RARB: variants seen among roughly 807,000 people sequenced by gnomAD.
RARB encodes the protein HBV-activated protein.
In RARB, 17 loss-of-function variants were observed where a neutral mutation model predicts 51.9. That is an observed-to-expected ratio of 0.33 (90% confidence interval 0.22 to 0.49). RARB has a LOEUF of 0.49. Ranked by LOEUF, RARB falls within the 20% of genes least tolerant of loss-of-function variation. The probability of loss-of-function intolerance (pLI) is 0.99; values close to 1 mark genes in which losing one functional copy is unlikely to be tolerated. For missense variants in RARB, 369 were observed against 550.8 expected, an observed-to-expected ratio of 0.67 and a Z score of 3.30; for synonymous variants, 215 against 195.4, an observed-to-expected ratio of 1.10 and a Z score of -0.84.
chr3:25,312,653 G>A (rs988543562), intron 5 of RARB, among the ~76,000 whole-genome samples: 5 of 152,060 alleles, frequency 3.3e-5, no homozygotes, highest in African/African-American at 1.2e-4. Flanking sequence ...TACAATTATG[G>A]CCCAAACAAT....
At chr3:25,284,033 C>T (rs1268901490) in intron 5 of RARB, among the ~76,000 whole-genome samples, 7 of 152,222 alleles carry the variant, frequency 4.6e-5, no homozygotes, top group Non-Finnish European at 1.0e-4. Context: ...TTTTCTCCTG[C>T]TGGCAATCTC....
upstream of RARB, among the ~76,000 whole-genome samples, chr3:25,425,863 C>G (rs571160495): frequency 1.3e-5 from 2 of 152,206 alleles, no homozygotes; most frequent in Non-Finnish European, 2.9e-5. Context: ...CATCTCTACT[C>G]TTTGGAGAGA....
chr3:25,468,907 A>G (rs568706921), intron 2 of RARB, among the ~76,000 whole-genome samples: 1 of 152,124 alleles, frequency 6.6e-6, no homozygotes, highest in Non-Finnish European at 1.5e-5. Context: ...GGGGGCCACA[A>G]TCCAGCCTGT....
chr3:25,377,960 T>G (rs1706513211), intron 5 of RARB, among the ~76,000 whole-genome samples: 1 of 152,172 alleles, frequency 6.6e-6, no homozygotes, highest in Admixed American at 6.5e-5. Context: ...TAGTCAAAAT[T>G]TTTTAAATTC....
intron 3 of RARB, among the ~76,000 whole-genome samples, chr3:25,068,624 T>C (rs1053966867): frequency 6.6e-6 from 1 of 152,156 alleles, no homozygotes; most frequent in African/African-American, 2.4e-5. Flanking sequence ...TCCATGATGA[T>C]ATTTTAATCC....
chr3:25,389,993 G>C (rs1449072333), intron 5 of RARB, among the ~76,000 whole-genome samples: 1 of 152,112 alleles, frequency 6.6e-6, no homozygotes, highest in Non-Finnish European at 1.5e-5. Flanking sequence ...TGGCTCAAGA[G>C]GTAAAACAAG....
chr3:24,947,265 A>T lies in RARB; in HGVS notation c.-380+88513A>T, dbSNP rs370936797. Among the ~76,000 whole-genome samples the T allele has an allele frequency of 3.3e-5, 5 of 152,236 alleles. No individual in the cohort carries two copies. In the East Asian group the frequency reaches 5.8e-4, roughly 18 times the overall value. Reference sequence around the variant, plus strand: ...ATATGAATGTACTGGGAAAAGTCATACGTGAACCTATATAATATCTTCCTT... The same window carrying T: ...ATATGAATGTACTGGGAAAAGTCATTCGTGAACCTATATAATATCTTCCTT... On this transcript the variant is annotated intron_variant, in intron 2 of 11. Coordinates refer to the RARB transcript ENST00000383772.
intron 5 of RARB, among the ~76,000 whole-genome samples, chr3:25,291,461 T>A (rs371853874): frequency 5.1e-4 from 77 of 150,440 alleles, no homozygotes; most frequent in African/African-American, 1.9e-3. Flanking sequence ...TAAAAATGCT[T>A]GAGCCAGATG....
chr3:25,026,267 C>G (rs1399238827), intron 2 of RARB, among the ~76,000 whole-genome samples: 1 of 152,166 alleles, frequency 6.6e-6, no homozygotes, highest in South Asian at 2.1e-4. Flanking sequence ...TAGGGTTACT[C>G]TAGTAAAATA....
intron 2 of RARB, among the ~76,000 whole-genome samples, chr3:24,931,091 G>T (rs59986678): frequency 0.044 from 6,747 of 152,076 alleles, 183 homozygotes; most frequent in Middle Eastern, 0.11. Context: ...AAGTAGAGAA[G>T]CTGGAATTCA....
chr3:24,907,628 G>C (rs759615802), intron 2 of RARB, among the ~76,000 whole-genome samples: 1 of 152,080 alleles, frequency 6.6e-6, no homozygotes, highest in Non-Finnish European at 1.5e-5. Flanking sequence ...ATATGGGATG[G>C]CATGTGTAGT....
intron 4 of RARB, among the ~76,000 whole-genome samples, chr3:25,152,985 T>C (rs933376938): frequency 6.6e-6 from 1 of 151,992 alleles, no homozygotes; most frequent in Admixed American, 6.6e-5. Context: ...TGACAAACAG[T>C]TTGAAGGAAA....
intron 2 of RARB, among the ~76,000 whole-genome samples, chr3:24,994,653 A>T (rs932461589): frequency 6.6e-6 from 1 of 152,022 alleles, no homozygotes; most frequent in Admixed American, 6.6e-5. Context: ...TATTTGGTCT[A>T]TTGTGAGTTG....
chr3:24,859,231 A>G (rs917736640), intron 2 of RARB, among the ~76,000 whole-genome samples: 5 of 151,840 alleles, frequency 3.3e-5, no homozygotes, highest in African/African-American at 9.7e-5. Flanking sequence ...GTCTTTCTCT[A>G]TATTGCAATA....
intron 1 of RARB, among the ~76,000 whole-genome samples, chr3:25,454,163 G>C (rs1694766792): frequency 1.3e-5 from 2 of 152,102 alleles, no homozygotes; most frequent in Admixed American, 1.3e-4. Context: ...GTCTACACAC[G>C]AGTTCATACA....
chr3:25,232,288 A>G (rs1702196015), intron 5 of RARB, among the ~76,000 whole-genome samples: 1 of 152,148 alleles, frequency 6.6e-6, no homozygotes, highest in East Asian at 1.9e-4. Context: ...TTGTTCTTCA[A>G]AATTGTTTAA....
At chr3:25,228,945 C>T (rs1272753447) in intron 5 of RARB, among the ~76,000 whole-genome samples, 4 of 152,058 alleles carry the variant, frequency 2.6e-5, no homozygotes, top group Non-Finnish European at 5.9e-5. Context: ...CTTTGTTTCG[C>T]CTCCTCTACA....
intron 2 of RARB, among the ~76,000 whole-genome samples, chr3:25,464,345 A>G (rs1695329972): frequency 6.6e-6 from 1 of 152,212 alleles, no homozygotes; most frequent in Non-Finnish European, 1.5e-5. Flanking sequence ...CCTTTTTAGG[A>G]AAAACCCCAA....
intron 1 of RARB, among the ~76,000 whole-genome samples, chr3:25,448,357 A>G (rs1456693512): frequency 6.6e-6 from 1 of 152,148 alleles, no homozygotes; most frequent in Non-Finnish European, 1.5e-5. Context: ...GCACTTTGAA[A>G]CTCTTAGCTT....
Sources: allele counts gnomAD v4.1 joint callset (sites outside exome capture counted in the v4.1 genomes callset), GRCh38; gene constraint gnomAD v4.1.1; transcripts MANE v1.5; gene names NCBI Gene and HGNC (gene_info 2026-07-23, HGNC 2026-07-21).